CCNY: variants seen among roughly 807,000 people sequenced by gnomAD.
CCNY encodes cyclin Y.
CCNY carries 19 observed loss-of-function variants against 42.8 expected under a neutral mutation model. The ratio of observed to expected loss-of-function variants is 0.44; its 90% CI spans 0.31 to 0.65. The LOEUF is 0.65. Ranked by LOEUF, CCNY falls within the 30% of genes least tolerant of loss-of-function variation. The probability of loss-of-function intolerance (pLI) is 0.07; values close to 1 mark genes in which losing one functional copy is unlikely to be tolerated. For synonymous variants in CCNY, 165 were observed against 162.7 expected, an observed-to-expected ratio of 1.01 and a Z score of -0.11; for missense variants, 370 against 437.3, an observed-to-expected ratio of 0.85 and a Z score of 1.37.
chr10:35,454,294 G>T (rs1838982540), intron 1 of CCNY, among the ~76,000 whole-genome samples: 1 of 152,218 alleles, frequency 6.6e-6, no homozygotes, highest in Admixed American at 6.5e-5. Flanking sequence ...TTCAGCTTCT[G>T]TTGTCCTGGA....
chr10:35,492,291 T>C (rs1204240872), intron 2 of CCNY, among the ~76,000 whole-genome samples: 1 of 152,234 alleles, frequency 6.6e-6, no homozygotes, highest in East Asian at 1.9e-4. Context: ...ATCTGTGGCA[T>C]GCTCTGCCCG....
rs1005534880 is a variant in CCNY, at chr10:35,441,759, A to G, written c.155-41645A>G. Among the ~76,000 whole-genome samples, 3 of 152,220 alleles carry G rather than the reference A, an allele frequency of 2.0e-5. No homozygotes were observed. The East Asian group carries it at 5.8e-4, about 29-fold the overall frequency. ...GAGGCCCTGTATGAAAATAGAAAAG[A>G]AAAAGCAGTAGGTTATTAGCATAAA... On this transcript the variant is annotated intron_variant, in intron 1 of 9. Transcript: ENST00000374704.
At chr10:35,349,431 TAACATGGTTTGA>T (rs1403855832) in intron 1 of CCNY, among the ~76,000 whole-genome samples, 1 of 152,220 alleles carries the variant, frequency 6.6e-6, no homozygotes, top group Non-Finnish European at 1.5e-5. Context: ...TGTCTGGCTT[TAACATGGTTTGA>T]AACATGATGT....
At chr10:35,251,341 A>G (rs1351102822) in intron 3 of CCNY, among the ~76,000 whole-genome samples, 1 of 152,218 alleles carries the variant, frequency 6.6e-6, no homozygotes. Context: ...AAATGTACAA[A>G]TGAAATACAA....
chr10:35,458,457 A>G (rs1238195071), intron 1 of CCNY, among the ~76,000 whole-genome samples: 2 of 152,272 alleles, frequency 1.3e-5, no homozygotes, highest in African/African-American at 4.8e-5. Context: ...GTAATTCCTC[A>G]TTCAATAAAT....
At chr10:35,506,389 CTCTTCTTTTTGTTTTTTCT>C (rs1564438667) in intron 3 of CCNY, among the ~76,000 whole-genome samples, 1 of 152,144 alleles carries the variant, frequency 6.6e-6, no homozygotes, top group African/African-American at 2.4e-5. Context: ...GTTATTTTCT[CTCTTCTTTTTGTTTTTTCT>C]TCTTCTTTTT....
At chr10:35,507,631 G>A (rs1021219898) in intron 3 of CCNY, among the ~76,000 whole-genome samples, 4 of 152,096 alleles carry the variant, frequency 2.6e-5, no homozygotes, top group Non-Finnish European at 4.4e-5. Context: ...AAGTGGCTCC[G>A]TAATGTCCGC....
intron 1 of CCNY, among the ~76,000 whole-genome samples, chr10:35,368,732 A>AGGCGTCAGGGCAGGCCGCTGTGGGG (rs1836864682): frequency 2.2e-5 from 3 of 137,018 alleles, no homozygotes; most frequent in African/African-American, 9.1e-5. Flanking sequence ...GCGGTGTGGC[A>AGGCGTCAGGGCAGGCCGCTGTGGGG]TAGGAGTGCC....
At chr10:35,496,442 G>A (rs963279584) in intron 2 of CCNY, among the ~76,000 whole-genome samples, 4 of 152,216 alleles carry the variant, frequency 2.6e-5, no homozygotes, top group African/African-American at 9.7e-5. Flanking sequence ...GCCAAAGAAA[G>A]AGTATCTTAG....
intron 3 of CCNY, among the ~76,000 whole-genome samples, chr10:35,294,173 C>T (rs1049434722): frequency 6.6e-6 from 1 of 152,158 alleles, no homozygotes; most frequent in Non-Finnish European, 1.5e-5. Context: ...AATTAAGCTC[C>T]TTAGGATATT....
intron 1 of CCNY, among the ~76,000 whole-genome samples, chr10:35,373,252 C>T (rs967063814): frequency 6.6e-6 from 1 of 152,132 alleles, no homozygotes; most frequent in Non-Finnish European, 1.5e-5. Context: ...ATGAAACCTA[C>T]TTCTTAGGGC....
At chr10:35,471,823 G>A (rs1839397860) in intron 1 of CCNY, among the ~76,000 whole-genome samples, 1 of 152,182 alleles carries the variant, frequency 6.6e-6, no homozygotes, top group African/African-American at 2.4e-5. Context: ...ATTGAAGTCA[G>A]CTCAGGGGAT....
chr10:35,447,362 C>T (rs576870418), intron 1 of CCNY, among the ~76,000 whole-genome samples: 1 of 152,216 alleles, frequency 6.6e-6, no homozygotes, highest in South Asian at 2.1e-4. Context: ...AATCATGTTT[C>T]AAAAAGACAG....
intron 7 of CCNY, among the ~76,000 whole-genome samples, chr10:35,535,510 G>GTA (rs1840867690): frequency 2.0e-5 from 3 of 151,700 alleles, no homozygotes; most frequent in East Asian, 1.9e-4. Context: ...CCCTATATGT[G>GTA]TATGTATATG....
At chr10:35,390,182 AATATAG>A (rs760230533) in intron 1 of CCNY, among the ~76,000 whole-genome samples, 1 of 152,248 alleles carries the variant, frequency 6.6e-6, no homozygotes, top group African/African-American at 2.4e-5. Flanking sequence ...CTTGTGGCTG[AATATAG>A]ATAAATTCTT....
intron 3 of CCNY, among the ~76,000 whole-genome samples, chr10:35,260,947 C>CA (rs1302428061): frequency 1.3e-5 from 2 of 151,972 alleles, no homozygotes; most frequent in Non-Finnish European, 2.9e-5. Flanking sequence ...CCCGTCTCTA[C>CA]AAAAAATAAA....
intron 7 of CCNY, among the ~76,000 whole-genome samples, chr10:35,548,128 T>A (rs1841156161): frequency 6.6e-6 from 1 of 152,074 alleles, no homozygotes; most frequent in South Asian, 2.1e-4. Flanking sequence ...AGCCTACTGT[T>A]GACTGAAAGC....
At chr10:35,377,165 T>C (rs568582634) in intron 1 of CCNY, among the ~76,000 whole-genome samples, 6 of 152,222 alleles carry the variant, frequency 3.9e-5, no homozygotes, top group South Asian at 2.1e-4. Context: ...TAAAAAAATA[T>C]ATATTTAGTG....
intron 1 of CCNY, among the ~76,000 whole-genome samples, chr10:35,357,593 T>C (rs1318796447): frequency 6.6e-6 from 1 of 152,252 alleles, no homozygotes; most frequent in Non-Finnish European, 1.5e-5. Context: ...GTGCCTCGTG[T>C]CAGAAGGCAC....
Sources: allele counts gnomAD v4.1 joint callset (sites outside exome capture counted in the v4.1 genomes callset), GRCh38; gene constraint gnomAD v4.1.1; transcripts MANE v1.5; gene names NCBI Gene and HGNC (gene_info 2026-07-23, HGNC 2026-07-21).